SP3: variants seen among roughly 807,000 people sequenced by gnomAD.
SP3 encodes the protein transcription factor Sp3.
SP3 carries 10 observed loss-of-function variants against 70.3 expected under a neutral mutation model. That is an observed-to-expected ratio of 0.14 (90% confidence interval 0.09 to 0.24). SP3 has a LOEUF of 0.24. Ranked by LOEUF, SP3 falls within the 10% of genes least tolerant of loss-of-function variation. The pLI, the probability that SP3 is intolerant of heterozygous loss-of-function variation, is 1.00. For synonymous variants in SP3, 402 were observed against 333.5 expected (o/e 1.21, Z -2.24); for missense variants, 825 against 914.6 (o/e 0.90, Z 1.26).
At chr2:173,936,529 C>T (rs976114234) in intron 4 of SP3, among the ~76,000 whole-genome samples, 6 of 152,290 alleles carry the variant, frequency 3.9e-5, no homozygotes, top group Middle Eastern at 3.4e-3. Flanking sequence ...CTATCAGCCA[C>T]CAGTCACCAA....
chr2:173,911,813 CTTTTTTTTTTTTTT>C (rs11448837), intron 6 of SP3, among the ~76,000 whole-genome samples: 2 of 98,042 alleles, frequency 2.0e-5, no homozygotes, highest in Admixed American at 1.2e-4. Flanking sequence ...TTTTATCTAC[CTTTTTTTTTTTTTT>C]TTTTTTTTTG....
rs182714352 is a variant in SP3 at position 173,921,995 on chromosome 2, C to T, written c.1640-3210G>A. 2.3e-4 allele frequency among the ~76,000 whole-genome samples: 35 copies of T among 152,260 alleles called. No individual in the cohort carries two copies. In the East Asian group the frequency reaches 6.8e-3, roughly 29 times the overall value. The stretch of plus-strand genomic sequence containing the variant: ...TGCCATGAGTAAAAGCTTCTTGAGG[C>T]CTTCCCAGACCCAGATGCCAGCACT... On this transcript the variant is annotated intron_variant, in intron 4 of 6. Coordinates refer to ENST00000310015, the MANE Select transcript of SP3 (RefSeq NM_003111.5).
intron 4 of SP3, among the ~76,000 whole-genome samples, chr2:173,924,338 C>T (rs1464888593): frequency 1.3e-5 from 2 of 152,138 alleles, no homozygotes; most frequent in African/African-American, 4.8e-5. Flanking sequence ...CAGAAGATCT[C>T]ATTTTATAGT....
rs1689274142 is a variant in SP3, at chr2:173,904,942, G to A, written c.*4999C>T. ...CTTCAGTGCTAGACTTTATCTTTCA[G>A]TCGCAATGAACCTGAAGATTCTTCG... On this transcript the variant is annotated 3_prime_UTR_variant, in exon 7 of 7. Coordinates refer to ENST00000310015, the MANE Select transcript of SP3 (RefSeq NM_003111.5). Among the ~76,000 whole-genome samples the A allele has an allele frequency of 6.6e-6, 1 of 152,172 alleles. No homozygotes were observed. The highest frequency in any genetic ancestry group is 6.5e-5 in the Admixed American group (1 of 15,284).
At chr2:173,931,828 G>A (rs1690075870) in intron 4 of SP3, among the ~76,000 whole-genome samples, 1 of 152,162 alleles carries the variant, frequency 6.6e-6, no homozygotes, top group Admixed American at 6.5e-5. Context: ...ACCTCTATCA[G>A]CATTCACAGA....
intron 4 of SP3, among the ~76,000 whole-genome samples, chr2:173,938,166 C>T (rs1690261449): frequency 6.6e-6 from 1 of 152,094 alleles, no homozygotes; most frequent in Admixed American, 6.5e-5. Flanking sequence ...AGGTATGAAA[C>T]ACAGAATGCA....
At chr2:173,942,285 T>C (rs544712034) in intron 4 of SP3, among the ~76,000 whole-genome samples, 22 of 152,320 alleles carry the variant, frequency 1.4e-4, no homozygotes, top group Admixed American at 5.9e-4. Flanking sequence ...CCGGGAGCAG[T>C]GGCTCACAAG....
chr2:173,929,320 T>A (rs1690003960), intron 4 of SP3, among the ~76,000 whole-genome samples: 1 of 152,146 alleles, frequency 6.6e-6, no homozygotes, highest in Non-Finnish European at 1.5e-5. Flanking sequence ...TCTTCCCACA[T>A]GAAAAAATAC....
chr2:173,949,968 A>G (rs1559105821), intron 4 of SP3, among the ~76,000 whole-genome samples: 1 of 152,192 alleles, frequency 6.6e-6, no homozygotes, highest in Non-Finnish European at 1.5e-5. Flanking sequence ...TGACATTGGA[A>G]AGATACATAA....
chr2:173,950,663 A>G (rs115539964), intron 4 of SP3, among the ~76,000 whole-genome samples: 2,339 of 152,000 alleles, frequency 0.015, 63 homozygotes, highest in African/African-American at 0.053. Context: ...TCTCTTAAAA[A>G]AAAAAAAAAA....
chr2:173,929,750 G>C (rs776578815), intron 4 of SP3, among the ~76,000 whole-genome samples: 4 of 152,180 alleles, frequency 2.6e-5, no homozygotes, highest in Non-Finnish European at 5.9e-5. Context: ...TACAAGTGAA[G>C]TGAGCATCAG....
intron 4 of SP3, among the ~76,000 whole-genome samples, chr2:173,948,482 G>A (rs1351238156): frequency 6.6e-6 from 1 of 152,002 alleles, no homozygotes; most frequent in Non-Finnish European, 1.5e-5. Flanking sequence ...ACTCCCTGAG[G>A]TTTCAGGATC....
At chr2:173,939,715 A>C (rs1468222078) in intron 4 of SP3, among the ~76,000 whole-genome samples, 1 of 135,482 alleles carries the variant, frequency 7.4e-6, no homozygotes, top group African/African-American at 2.8e-5. Context: ...TAGTGAGCCA[A>C]GATTGCGCCA....
At chr2:173,943,903 C>A (rs757326773) in intron 4 of SP3, among the ~76,000 whole-genome samples, 41 of 152,166 alleles carry the variant, frequency 2.7e-4, no homozygotes, top group Non-Finnish European at 5.1e-4. Context: ...CATATCTAGG[C>A]TATAGGTATA....
chr2:173,934,354 T>G (rs1369311839), intron 4 of SP3, among the ~76,000 whole-genome samples: 1 of 152,198 alleles, frequency 6.6e-6, no homozygotes, highest in Non-Finnish European at 1.5e-5. Flanking sequence ...TTAAATCCTC[T>G]TTAAAACTTT....
intron 4 of SP3, among the ~76,000 whole-genome samples, chr2:173,922,859 GT>G (rs1206658023): frequency 1.3e-5 from 2 of 152,114 alleles, no homozygotes; most frequent in Non-Finnish European, 2.9e-5. Flanking sequence ...ACAAGTACAG[GT>G]TAACTCTTTC....
chr2:173,948,507 G>C (rs140859489), intron 4 of SP3, among the ~76,000 whole-genome samples: 1 of 152,028 alleles, frequency 6.6e-6, no homozygotes, highest in African/African-American at 2.4e-5. Flanking sequence ...GGGGGTCTTT[G>C]AACTATCCCT....
intron 4 of SP3, among the ~76,000 whole-genome samples, chr2:173,943,099 A>C (rs1211525185): frequency 6.6e-6 from 1 of 152,072 alleles, no homozygotes; most frequent in Non-Finnish European, 1.5e-5. Flanking sequence ...GAATGACTCT[A>C]TTGCTCCATC....
intron 4 of SP3, among the ~76,000 whole-genome samples, chr2:173,945,676 G>A (rs927728170): frequency 2.0e-5 from 3 of 152,080 alleles, no homozygotes; most frequent in African/African-American, 4.8e-5. Flanking sequence ...AGGTGAAAGA[G>A]GTAAATAACA....
Sources: allele counts gnomAD v4.1 joint callset (sites outside exome capture counted in the v4.1 genomes callset), GRCh38; gene constraint gnomAD v4.1.1; transcripts MANE v1.5; gene names NCBI Gene and HGNC (gene_info 2026-07-23, HGNC 2026-07-21).